The following SLC25A21 variants were observed in gnomAD, a reference collection of about 807,000 sequenced individuals.
SLC25A21 encodes the protein solute carrier family 25 member 21, also known as mitochondrial 2-oxodicarboxylate carrier.
Under a neutral mutation model 43.8 loss-of-function variants are expected in SLC25A21, and 47 were observed. The ratio of observed to expected loss-of-function variants is 1.07; its 90% CI spans 0.85 to 1.37. The LOEUF is 1.37. Among genes scored for constraint, SLC25A21 ranks in the 40% most tolerant of loss-of-function variants. The pLI is 0.00. For missense variants in SLC25A21, 352 were observed against 350.2 expected, an observed-to-expected ratio of 1.00 and a Z score of -0.04; for synonymous variants, 131 against 121.3, an observed-to-expected ratio of 1.08 and a Z score of -0.52.
At chr14:36,702,526 C>T (rs893464882) in intron 7 of SLC25A21, among the ~76,000 whole-genome samples, 9 of 142,268 alleles carry the variant, frequency 6.3e-5, no homozygotes, top group African/African-American at 2.3e-4. Context: ...AAAAAGAAAA[C>T]GGACTTCCCT....
intron 2 of SLC25A21, among the ~76,000 whole-genome samples, chr14:36,866,384 G>A (rs1460228781): frequency 1.3e-5 from 2 of 152,150 alleles, no homozygotes; most frequent in Non-Finnish European, 2.9e-5. Flanking sequence ...GATTCAGGGC[G>A]AAACAGAACA....
chr14:36,778,947 G>C (rs1279192842), intron 3 of SLC25A21, among the ~76,000 whole-genome samples: 1 of 151,920 alleles, frequency 6.6e-6, no homozygotes, highest in Admixed American at 6.6e-5. Flanking sequence ...ATAACTGAAA[G>C]TTTGTATGCT....
intron 1 of SLC25A21, among the ~76,000 whole-genome samples, chr14:36,966,324 C>T (rs202040761): frequency 6.6e-6 from 1 of 152,172 alleles, no homozygotes; most frequent in East Asian, 1.9e-4. Flanking sequence ...CTAACAACTC[C>T]CTACCAGATG....
chr14:36,739,349 T>C (rs201103690), intron 3 of SLC25A21, among the ~76,000 whole-genome samples: 1 of 152,150 alleles, frequency 6.6e-6, no homozygotes, highest in Admixed American at 6.5e-5. Flanking sequence ...TAGGATAAAC[T>C]TTTTCCTCCC....
At chr14:36,757,328 C>T (rs1749944) in intron 3 of SLC25A21, among the ~76,000 whole-genome samples, 24,505 of 152,044 alleles carry the variant, frequency 0.16, 2,241 homozygotes, top group Middle Eastern at 0.25. Context: ...TACAAACTCA[C>T]TAGAAACAAT....
chr14:36,855,435 G>A (rs2138522107), intron 2 of SLC25A21, among the ~76,000 whole-genome samples: 1 of 152,272 alleles, frequency 6.6e-6, no homozygotes, highest in Non-Finnish European at 1.5e-5. Flanking sequence ...CACAGATGCA[G>A]AAAATTAAGG....
At chr14:36,892,696 C>T (rs1005737375) in intron 1 of SLC25A21, among the ~76,000 whole-genome samples, 1 of 152,190 alleles carries the variant, frequency 6.6e-6, no homozygotes, top group East Asian at 1.9e-4. Context: ...TATCCCTCCC[C>T]ACTCCCCCAA....
At chr14:36,866,206 T>C (rs1299065596) in intron 2 of SLC25A21, among the ~76,000 whole-genome samples, 1 of 152,178 alleles carries the variant, frequency 6.6e-6, no homozygotes, top group Non-Finnish European at 1.5e-5. Flanking sequence ...CTCAAACTCC[T>C]GGCCTCAAGC....
At position 36,920,618 on chromosome 14, in the gene SLC25A21, A is replaced by G. The variant is rs1193391307; in HGVS notation, c.71-45614T>C. ...GAGGCAAGACAAAAGTATTTTGTAT[A>G]GTGATGCTACTCTGAATGAACATTT... On this transcript the variant is annotated intron_variant, in intron 1 of 9. Transcript: ENST00000331299. 2.0e-5 allele frequency among the ~76,000 whole-genome samples: 3 copies of G among 152,214 alleles called. No individual in the cohort carries two copies. The East Asian group carries it at 5.8e-4, about 29-fold the overall frequency.
chr14:36,804,258 T>C (rs1055949785), intron 3 of SLC25A21, among the ~76,000 whole-genome samples: 1 of 152,044 alleles, frequency 6.6e-6, no homozygotes, highest in Non-Finnish European at 1.5e-5. Flanking sequence ...CCAACTGAGA[T>C]GAGATATGTA....
chr14:36,812,719 C>T (rs538134640), intron 3 of SLC25A21, among the ~76,000 whole-genome samples: 1 of 152,076 alleles, frequency 6.6e-6, no homozygotes, highest in African/African-American at 2.4e-5. Flanking sequence ...AAATGATTAG[C>T]AGAATAGTAT....
At chr14:36,938,984 T>C (rs1282109372) in intron 1 of SLC25A21, among the ~76,000 whole-genome samples, 1 of 152,204 alleles carries the variant, frequency 6.6e-6, no homozygotes, top group African/African-American at 2.4e-5. Flanking sequence ...AAGTTTTATG[T>C]AAACCCAAGT....
In SLC25A21 at chr14:37,029,612, G is replaced by A. The variant is rs902917075; in HGVS notation, c.70+142669C>T. 4.6e-5 allele frequency among the ~76,000 whole-genome samples: 7 copies of A among 152,158 alleles called. No homozygotes were observed. In the South Asian group the frequency reaches 8.3e-4, roughly 18 times the overall value. ...ACAGAATCCCTCTGCTGAAAAGAGGGGATCCCTCCCTGGAAGTCACTTGTC... is the reference window on the plus strand; with the variant it reads ...ACAGAATCCCTCTGCTGAAAAGAGGAGATCCCTCCCTGGAAGTCACTTGTC... On this transcript the variant is annotated intron_variant, in intron 1 of 9. Transcript: ENST00000331299.
intron 3 of SLC25A21, among the ~76,000 whole-genome samples, chr14:36,765,900 C>G (rs901347945): frequency 2.0e-5 from 3 of 152,132 alleles, no homozygotes; most frequent in African/African-American, 7.2e-5. Flanking sequence ...CTGGACTGCC[C>G]ACTGATACCT....
At chr14:37,172,028 C>A (rs756775023) in intron 1 of SLC25A21, 18 of 536,346 alleles carry the variant, frequency 3.4e-5, no homozygotes, top group Non-Finnish European at 5.6e-5. Context: ...AGGCTAGGAA[C>A]GGACAATGCC....
chr14:37,111,939 A>T (rs181605209), intron 1 of SLC25A21, among the ~76,000 whole-genome samples: 1 of 152,344 alleles, frequency 6.6e-6, no homozygotes, highest in African/African-American at 2.4e-5. Context: ...CAAATCGTGA[A>T]ATGGAAAAAT....
At chr14:37,135,366 T>C (rs1963462538) in intron 1 of SLC25A21, among the ~76,000 whole-genome samples, 1 of 152,032 alleles carries the variant, frequency 6.6e-6, no homozygotes, top group South Asian at 2.1e-4. Context: ...GCCACTGTAA[T>C]CCAGCCTGGG....
chr14:37,119,360 C>T (rs1171701583), intron 1 of SLC25A21, among the ~76,000 whole-genome samples: 1 of 152,056 alleles, frequency 6.6e-6, no homozygotes, highest in African/African-American at 2.4e-5. Flanking sequence ...ACCAGCCTGG[C>T]CAACATGGTG....
rs10139658 is a variant in SLC25A21 at position 36,901,598 on chromosome 14, G to T, written c.71-26594C>A. On this transcript the variant is annotated intron_variant, in intron 1 of 9. Transcript: ENST00000331299. The stretch of plus-strand genomic sequence containing the variant: ...CTTTTAGAATCGTGCTTGGTTTCAA[G>T]AAAACATAAAAATATTATTTTTTAT... Among the ~76,000 whole-genome samples the T allele has an allele frequency of 6.1e-3, 931 of 152,106 alleles. 14 individuals are homozygous for T. Among genetic ancestry groups the T allele is most frequent in the African/African-American group, 0.022 (899 of 41,542 alleles).
Sources: allele counts gnomAD v4.1 joint callset (sites outside exome capture counted in the v4.1 genomes callset), GRCh38; gene constraint gnomAD v4.1.1; transcripts MANE v1.5; gene names NCBI Gene and HGNC (gene_info 2026-07-23, HGNC 2026-07-21).